ALDH18A1: variants seen among roughly 807,000 people sequenced by gnomAD.
ALDH18A1 encodes the protein delta-1-pyrroline-5-carboxylate synthase.
ALDH18A1 carries 44 observed loss-of-function variants against 88.8 expected under a neutral mutation model. That is an observed-to-expected ratio of 0.50 (90% CI 0.39 to 0.64). The LOEUF (loss-of-function observed/expected upper bound fraction) is 0.64. Among genes scored for constraint, ALDH18A1 ranks in the 30% least tolerant of loss-of-function variants. The pLI, the probability that ALDH18A1 is intolerant of heterozygous loss-of-function variation, is 0.00. For missense variants in ALDH18A1, 782 were observed against 1,009.5 expected, an observed-to-expected ratio of 0.77 and a Z score of 3.05; for synonymous variants, 331 against 372.1, an observed-to-expected ratio of 0.89 and a Z score of 1.27.
Position 95,627,475 on chromosome 10 carries a change from C to CT in ALDH18A1, c.1044dup (p.Val349SerfsTer16). Reference sequence around the variant, plus strand: ...TTTACTTCTGAAAAGAAGGTACCAACTTTCTTCCCCTCCACAATGTCTGTG... The same window carrying CT: ...TTTACTTCTGAAAAGAAGGTACCAACTTTTCTTCCCCTCCACAATGTCTGTG... On this transcript the variant is annotated frameshift_variant, in exon 9 of 18. Coordinates refer to ENST00000371224, the MANE Select transcript of ALDH18A1 (RefSeq NM_002860.4). LOFTEE classifies it high-confidence loss of function. The CT allele has an allele frequency of 4.3e-6, 7 of 1,614,156 alleles. No individual in the cohort carries two copies. The highest frequency in any genetic ancestry group is 5.9e-6 in the Non-Finnish European group (7 of 1,179,998).
At chr10:95,611,183 G>GC in intron 16 of ALDH18A1, 73 bp downstream of exon 16, 1 of 1,567,860 alleles carries the variant, frequency 6.4e-7, no homozygotes, top group East Asian at 2.2e-5. Context: ...TGCAGCCCAA[G>GC]GGGGGCTAAG....
rs543847864 is a variant in ALDH18A1, at chr10:95,627,707, T to C, written c.934-121A>G. 5 of 1,234,670 alleles carry C rather than the reference T, an allele frequency of 4.0e-6. No individual in the cohort carries two copies. In the African/African-American group the frequency reaches 7.5e-5, roughly 18 times the overall value. 76.5% of individuals were successfully genotyped at this position (1,234,670 alleles called of 1,614,324 possible). ...AACAACTTAAGTATATGAGAGAATG[T>C]TTTTAAAAGCTTAGAAGCTCTGAAA... On this transcript the variant is annotated intron_variant, in intron 8 of 17. Transcript: ENST00000371224.
chr10:95,610,652 C>A (rs140195079), intron 16 of ALDH18A1, among the ~76,000 whole-genome samples: 1 of 152,248 alleles, frequency 6.6e-6, no homozygotes, highest in African/African-American at 2.4e-5. Context: ...GTGTCTGGGT[C>A]AAAAGGGACT....
At chr10:95,632,521 G>A (rs879830720) in intron 7 of ALDH18A1, among the ~76,000 whole-genome samples, 7 of 152,164 alleles carry the variant, frequency 4.6e-5, no homozygotes, top group Admixed American at 4.6e-4. Context: ...ATACCACCAT[G>A]TCCAGCTGAC....
chr10:95,637,503 A>G, intron 3 of ALDH18A1, 67 bp from the exon 4 acceptor site: 1 of 1,593,594 alleles, frequency 6.3e-7, no homozygotes. Context: ...TTCACAAGGG[A>G]TGGAGGTAGG....
At chr10:95,646,521 C>T (rs2097901634) in intron 2 of ALDH18A1, among the ~76,000 whole-genome samples, 1 of 152,062 alleles carries the variant, frequency 6.6e-6, no homozygotes, top group Non-Finnish European at 1.5e-5. Context: ...CAAAGGAGAG[C>T]TTCAGGGGAC....
At chr10:95,621,290 C>T (rs748211958) in intron 11 of ALDH18A1, 39 bp from the exon 12 acceptor site, 32 of 1,545,970 alleles carry the variant, frequency 2.1e-5, no homozygotes, top group Non-Finnish European at 3.5e-6. Context: ...AGTAGCAGAC[C>T]TGGCAGGCTA....
At chr10:95,618,797 G>C (rs2097847873) in intron 12 of ALDH18A1, among the ~76,000 whole-genome samples, 1 of 152,198 alleles carries the variant, frequency 6.6e-6, no homozygotes, top group Non-Finnish European at 1.5e-5. Flanking sequence ...TGAACCACAG[G>C]CTAAGATATT....
intron 5 of ALDH18A1, 147 bp from the exon 6 acceptor site, chr10:95,633,796 T>C (rs2097875335): frequency 1.8e-6 from 1 of 568,664 alleles, no homozygotes; most frequent in Non-Finnish European, 3.1e-6. Context: ...TACACATATC[T>C]GGGTGCTATC....
intron 2 of ALDH18A1, among the ~76,000 whole-genome samples, chr10:95,647,314 G>A (rs1051289553): frequency 2.6e-5 from 4 of 152,164 alleles, no homozygotes; most frequent in African/African-American, 4.8e-5. Flanking sequence ...CAGACTGCCT[G>A]AGTGAAATTT....
At chr10:95,655,127 C>A (rs1293602523) in intron 1 of ALDH18A1, among the ~76,000 whole-genome samples, 15 of 48,804 alleles carry the variant, frequency 3.1e-4, no homozygotes, top group African/African-American at 7.5e-4. Context: ...CCCAATTTTT[C>A]TTTATTATTA....
chr10:95,631,763 AAAC>A (rs1253508185), intron 7 of ALDH18A1, among the ~76,000 whole-genome samples: 18 of 149,502 alleles, frequency 1.2e-4, no homozygotes, highest in African/African-American at 4.0e-4. Context: ...AAAAAAAAAA[AAAC>A]AACTGAATAA....
intron 11 of ALDH18A1, 124 bp downstream of exon 11, chr10:95,625,238 T>G: frequency 1.2e-6 from 1 of 867,540 alleles, no homozygotes; most frequent in Non-Finnish European, 1.9e-6. Flanking sequence ...AAATGATACA[T>G]AATGTACAAT....
At chr10:95,631,392 C>T (rs1390610352) in intron 7 of ALDH18A1, among the ~76,000 whole-genome samples, 2 of 152,168 alleles carry the variant, frequency 1.3e-5, no homozygotes, top group Non-Finnish European at 2.9e-5. Flanking sequence ...GTAATCAAAA[C>T]CACAGTAAGA....
chr10:95,644,423 GAACA>G (rs774124871), intron 2 of ALDH18A1, among the ~76,000 whole-genome samples: 44 of 152,204 alleles, frequency 2.9e-4, no homozygotes, highest in Admixed American at 7.2e-4. Context: ...TTGTACAGAT[GAACA>G]AACAAACAAA....
intron 5 of ALDH18A1, among the ~76,000 whole-genome samples, chr10:95,636,639 T>C (rs2097881214): frequency 6.6e-6 from 1 of 152,154 alleles, no homozygotes; most frequent in Non-Finnish European, 1.5e-5. Context: ...ATCACCAGCA[T>C]TCCTCTTTCC....
chr10:95,651,525 G>A (rs888284569), intron 2 of ALDH18A1, among the ~76,000 whole-genome samples: 4 of 152,210 alleles, frequency 2.6e-5, no homozygotes, highest in African/African-American at 9.7e-5. Context: ...GGCTGTACAG[G>A]AAGCATGGTG....
Position 95,643,141 on chromosome 10 carries a change from G to A in ALDH18A1, c.154C>T (p.Pro52Ser). The change falls in exon 3 of 18, where the codon CCC becomes TCC. Residue 52 changes from proline to serine, a missense_variant. Coordinates refer to ENST00000371224, the MANE Select transcript of ALDH18A1 (RefSeq NM_002860.4). Reference protein sequence around the residue: ...SWSNIPFITVPLSRTHGKSFA... With the variant: ...SWSNIPFITVSLSRTHGKSFA... ...GACTTGCCATGTGTACGACTGAGGG[G>A]TACAGTGATAAACGGGATGTTGCTC... is the stretch of plus-strand genomic sequence containing the variant. The A allele has an allele frequency of 6.2e-7, 1 of 1,614,214 alleles. No individual in the cohort carries two copies. Among genetic ancestry groups the A allele is most frequent in the Non-Finnish European group, 8.5e-7 (1 of 1,180,040 alleles).
At chr10:95,654,658 CAGAGA>C (rs1192361843) in intron 1 of ALDH18A1, among the ~76,000 whole-genome samples, 1 of 150,174 alleles carries the variant, frequency 6.7e-6, no homozygotes, top group African/African-American at 2.5e-5. Context: ...TGAAATGGGA[CAGAGA>C]AGAGACTGGC....
Sources: allele counts gnomAD v4.1 joint callset (sites outside exome capture counted in the v4.1 genomes callset), GRCh38; gene constraint gnomAD v4.1.1; transcripts MANE v1.5; gene names NCBI Gene and HGNC (gene_info 2026-07-23, HGNC 2026-07-21).